FHAD1: variants seen among roughly 807,000 people sequenced by gnomAD.
FHAD1 encodes forkhead associated phosphopeptide binding domain 1.
In FHAD1, 146 loss-of-function variants were observed where a neutral mutation model predicts 191.3. The ratio of observed to expected loss-of-function variants is 0.76; its 90% CI spans 0.67 to 0.88. The LOEUF is 0.88. Ranked by LOEUF, FHAD1 falls within the 40% of genes least tolerant of loss-of-function variation. The probability of loss-of-function intolerance (pLI) is 0.00; values close to 1 mark genes in which losing one functional copy is unlikely to be tolerated. For synonymous variants in FHAD1, 616 were observed against 672.3 expected (o/e 0.92, Z 1.29); for missense variants, 1,635 against 1,785.8 (o/e 0.92, Z 1.52).
At chr1:15,387,893 A>C (rs1702557400) in intron 31 of FHAD1, among the ~76,000 whole-genome samples, 158 bp from the exon 32 acceptor site, 1 of 152,076 alleles carries the variant, frequency 6.6e-6, no homozygotes, top group Admixed American at 6.5e-5. Context: ...TCGAATAAAA[A>C]AGAAAAAGAC....
chr1:15,302,016 A>G (rs1668956143), intron 6 of FHAD1, among the ~76,000 whole-genome samples: 1 of 152,116 alleles, frequency 6.6e-6, no homozygotes, highest in Non-Finnish European at 1.5e-5. Context: ...CCCTGTCTCA[A>G]AAAGAAAGAA....
chr1:15,332,763 T>C (rs1347608449), intron 14 of FHAD1, among the ~76,000 whole-genome samples: 2 of 152,136 alleles, frequency 1.3e-5, no homozygotes, highest in Non-Finnish European at 2.9e-5. Flanking sequence ...AGGCCAGTAA[T>C]TCCAGCAGGG....
rs900423319 is a variant in FHAD1 at position 15,380,022 on chromosome 1, C to T, written c.3706-679C>T. Among the ~76,000 whole-genome samples the T allele has an allele frequency of 5.9e-5, 9 of 152,194 alleles. No individual in the cohort carries two copies. The East Asian group carries it at 1.5e-3, about 26-fold the overall frequency. On this transcript the variant is annotated intron_variant, in intron 28 of 33. Transcript: ENST00000688493. ...CATCTGCATCATCTCTGGAAAGGGTCGGAAGTGAGCGTCCAGTTTCCGCTG... is the reference window on the plus strand; with the variant it reads ...CATCTGCATCATCTCTGGAAAGGGTTGGAAGTGAGCGTCCAGTTTCCGCTG...
chr1:15,279,971 G>C (rs1412020985), intron 3 of FHAD1, among the ~76,000 whole-genome samples: 1 of 152,196 alleles, frequency 6.6e-6, no homozygotes, highest in Non-Finnish European at 1.5e-5. Context: ...CTAGGAGCTT[G>C]GGGTAAGAAA....
At chr1:15,254,013 G>A (rs1036476453) in intron 2 of FHAD1, among the ~76,000 whole-genome samples, 16 of 152,090 alleles carry the variant, frequency 1.1e-4, no homozygotes, top group African/African-American at 1.4e-4. Flanking sequence ...AGTTATAAAC[G>A]CAATCGATTT....
intron 33 of FHAD1, among the ~76,000 whole-genome samples, chr1:15,396,807 C>T (rs60275950): frequency 0.023 from 3,521 of 151,544 alleles, 124 homozygotes; most frequent in African/African-American, 0.08. Context: ...AAGACTCTGT[C>T]TCAAAAAATA....
At chr1:15,402,337 A>AT (rs1371231571), downstream of FHAD1, among the ~76,000 whole-genome samples, 2 of 152,118 alleles carry the variant, frequency 1.3e-5, no homozygotes, top group Non-Finnish European at 2.9e-5. Flanking sequence ...TTTTTTTAAA[A>AT]TTTTTTTATT....
In FHAD1 at chr1:15,381,177, C is replaced by A. The variant is rs1356390337; in HGVS notation, c.3802-54C>A. 1 of 1,221,494 alleles carries A rather than the reference C, an allele frequency of 8.2e-7. No homozygotes were observed. The highest frequency in any genetic ancestry group is 1.2e-6 in the Non-Finnish European group (1 of 854,596). The allele number at this position is 1,221,494 out of a possible 1,614,324, so 75.7% of individuals were successfully genotyped here. On this transcript the variant is annotated intron_variant, in intron 29 of 33. Transcript: ENST00000688493. This position sits in a 1 kb window ranked among gnomAD's most constrained non-coding sequence, Gnocchi z 4.6. ...GAATTAGACATTGGCCTCCTTAAAG[C>A]GGCCACCAGCGGCCGCGGGTAATGC...
At chr1:15,332,311 A>C (rs979195625) in intron 14 of FHAD1, among the ~76,000 whole-genome samples, 1 of 152,186 alleles carries the variant, frequency 6.6e-6, no homozygotes, top group Non-Finnish European at 1.5e-5. Flanking sequence ...CATCCTGGCA[A>C]TAATAGAGCC....
In FHAD1 at chr1:15,318,663, TAAAAC is replaced by T. The variant is rs1174807972; in HGVS notation, c.1365+741_1365+745del. 2.0e-5 allele frequency among the ~76,000 whole-genome samples: 3 copies of T among 151,968 alleles called. No individual in the cohort carries two copies. The highest frequency in any genetic ancestry group is 4.4e-5 in the Non-Finnish European group (3 of 67,984). On this transcript the variant is annotated intron_variant, in intron 10 of 33. Transcript: ENST00000688493. The surrounding 1 kb of genome is among the most constrained non-coding windows in gnomAD (Gnocchi z 4.1). ...AAAAAAAAATTTAATTAAAAATAAA[TAAAAC>T]AAAACGTTGCTCCTCAGTTGCCAGC...
At chr1:15,389,637 G>A (rs1473652523) in intron 32 of FHAD1, among the ~76,000 whole-genome samples, 3 of 152,044 alleles carry the variant, frequency 2.0e-5, no homozygotes, top group East Asian at 3.9e-4. Context: ...TACAGGCCAC[G>A]ATTCTTCGCA....
rs1202049691 is a variant in FHAD1 at position 15,374,558 on chromosome 1, C to T, written c.3504C>T (p.Val1168=). 1.3e-6 allele frequency: 2 copies of T among 1,551,728 alleles called. No homozygotes were observed. Among genetic ancestry groups the T allele is most frequent in the African/African-American group, 1.4e-5 (1 of 73,132 alleles). The change falls in exon 27 of 34, where the codon GTC becomes GTT. Residue 1168 remains valine, a synonymous_variant. Coordinates refer to ENST00000688493, the MANE Select transcript of FHAD1 (RefSeq NM_001391957.1). ...VRCKGSRHEE[V]IQRQKKALSE... ...GCAAAGGGTCCCGGCACGAGGAGGTCATTCAGCGTCAGAAAAAGGCCTTAT... is the reference window on the plus strand; with the variant it reads ...GCAAAGGGTCCCGGCACGAGGAGGTTATTCAGCGTCAGAAAAAGGCCTTAT...
upstream of FHAD1, among the ~76,000 whole-genome samples, chr1:15,244,732 T>A (rs1335531740): frequency 1.3e-5 from 2 of 152,156 alleles, no homozygotes; most frequent in Non-Finnish European, 2.9e-5. The surrounding 1 kb of genome is among the most constrained non-coding windows in gnomAD (Gnocchi z 5.1). Context: ...ATTCCTGCTT[T>A]CATGGAGTTT....
chr1:15,281,103 C>T (rs1025837042), intron 3 of FHAD1, among the ~76,000 whole-genome samples: 1 of 152,152 alleles, frequency 6.6e-6, no homozygotes, highest in Non-Finnish European at 1.5e-5. Flanking sequence ...ATTATTGCCC[C>T]ATTTTGAATC....
intron 3 of FHAD1, among the ~76,000 whole-genome samples, chr1:15,286,417 C>A (rs1218250741): frequency 6.6e-6 from 1 of 152,206 alleles, no homozygotes. Flanking sequence ...GCAGGAGGAT[C>A]ACCTGAGCCC....
At position 15,318,008 on chromosome 1, in the gene FHAD1, A is replaced by T. The variant is rs1675037511; in HGVS notation, c.1365+80A>T. ...TCATCCCTGTTAGTCCTCTAAGTGG[A>T]CTATGCTGGTATTAACCCTTCTTAC... On this transcript the variant is annotated intron_variant, in intron 10 of 33. Coordinates refer to ENST00000688493, the MANE Select transcript of FHAD1 (RefSeq NM_001391957.1). The surrounding 1 kb of genome is among the most constrained non-coding windows in gnomAD (Gnocchi z 4.1). 1.1e-6 allele frequency: 1 copy of T among 906,422 alleles called. No individual in the cohort carries two copies. 56.1% of individuals were successfully genotyped at this position (906,422 alleles called of 1,614,324 possible).
At position 15,381,218 on chromosome 1, in the gene FHAD1, G is replaced by A. The variant is rs12096625; in HGVS notation, c.3802-13G>A. The A allele has an allele frequency of 0.015, 23,451 of 1,545,750 alleles. 2,545 individuals carry two copies. The African/African-American group carries it at 0.26, about 17-fold the overall frequency. ...CGGGTAATGCCTCTTATGCGCGAAC[G>A]TTTTCCTTGTAGTACCTGGATATGA... On this transcript the variant is annotated splice_polypyrimidine_tract_variant and intron_variant, in intron 29 of 33. Coordinates refer to ENST00000688493, the MANE Select transcript of FHAD1 (RefSeq NM_001391957.1). This position sits in a 1 kb window ranked among gnomAD's most constrained non-coding sequence, Gnocchi z 4.6.
intron 6 of FHAD1, among the ~76,000 whole-genome samples, chr1:15,307,996 C>T (rs1183300365): frequency 6.6e-6 from 1 of 152,222 alleles, no homozygotes; most frequent in East Asian, 1.9e-4. Context: ...TCCCAAAGTG[C>T]TGGGATTACA....
At chr1:15,328,223 C>T in intron 12 of FHAD1, 54 bp from the exon 13 acceptor site, 1 of 1,395,278 alleles carries the variant, frequency 7.2e-7, no homozygotes, top group Non-Finnish European at 9.5e-7. Flanking sequence ...CAGGGCCCCC[C>T]ACCCCTGTAT....
Sources: gnomAD v4.1 joint callset for allele counts (sites outside exome capture counted in the v4.1 genomes callset) on GRCh38, gnomAD v4.1.1 for gene constraint, Gnocchi (gnomAD v3.1) non-coding constraint, MANE v1.5 for transcripts, NCBI Gene and HGNC (gene_info 2026-07-23, HGNC 2026-07-21) for gene names.